CAD: variants seen among roughly 807,000 people sequenced by gnomAD.
The protein encoded by CAD is carbamoyl-phosphate synthetase 2, aspartate transcarbamylase, and dihydroorotase.
In CAD, 81 loss-of-function variants were observed where a neutral mutation model predicts 237.2. That is an observed-to-expected ratio of 0.34 (90% CI 0.29 to 0.41). The LOEUF is 0.41. Among genes scored for constraint, CAD ranks in the 10% least tolerant of loss-of-function variants. CAD has a pLI of 1.00. For synonymous variants in CAD, 1,196 were observed against 1,162.8 expected, an observed-to-expected ratio of 1.03 and a Z score of -0.58; for missense variants, 2,181 against 2,951.7, an observed-to-expected ratio of 0.74 and a Z score of 6.05.
chr2:27,239,261 G>A lies in CAD; in HGVS notation c.5253+29G>A. The A allele has an allele frequency of 6.2e-7, 1 of 1,601,088 alleles. No individual in the cohort carries two copies. The highest frequency in any genetic ancestry group is 8.5e-7 in the Non-Finnish European group (1 of 1,169,844). Reference sequence around the variant, plus strand: ...TGGGGATGAGGCCCAGAGCAGGAGGGGGGCTCTCCAGCCCTAGGATATGTT... The same window carrying A: ...TGGGGATGAGGCCCAGAGCAGGAGGAGGGCTCTCCAGCCCTAGGATATGTT... On this transcript the variant is annotated intron_variant, in intron 32 of 43. Transcript: ENST00000264705. The surrounding 1 kb of genome is among the most constrained non-coding windows in gnomAD (Gnocchi z 4.0).
chr2:27,243,394 T>C, intron 43 of CAD, 22 bp from the exon 44 acceptor site: 1 of 935,612 alleles, frequency 1.1e-6, no homozygotes, highest in South Asian at 2.5e-5. Flanking sequence ...CACTTCCTTT[T>C]TTTTTTTTTT....
chr2:27,235,878 A>G lies in CAD; in HGVS notation c.4074+238A>G. ...GAAACAGTGAGATGCTGTCTCAAAAAAAAAAAAAACAAAGAATTATCTCCT... is the reference window on the plus strand; with the variant it reads ...GAAACAGTGAGATGCTGTCTCAAAAGAAAAAAAAACAAAGAATTATCTCCT... On this transcript the variant is annotated intron_variant, in intron 25 of 43. Coordinates refer to ENST00000264705, the MANE Select transcript of CAD (RefSeq NM_004341.5). This position sits in a 1 kb window ranked among gnomAD's most constrained non-coding sequence, Gnocchi z 5.2. 4 of 497,320 alleles carry G rather than the reference A, an allele frequency of 8.0e-6. No individual in the cohort carries two copies. Among genetic ancestry groups the G allele is most frequent in the Non-Finnish European group, 1.4e-5 (4 of 281,318 alleles). The allele number at this position is 497,320 out of a possible 1,614,324, so 30.8% of individuals were successfully genotyped here. A position where few individuals can be genotyped will look rare whatever the true frequency, so the allele number is the denominator to read the frequency against.
rs199872853 is a variant in CAD, at chr2:27,224,341, A to G, written c.1109-4A>G. ...ACATTCTACGACCTTCTTTGCTTCC[A>G]CAGTTAGAGAGCGGCTGACTGAGCG... On this transcript the variant is annotated splice_polypyrimidine_tract_variant and splice_region_variant and intron_variant, in intron 8 of 43. Transcript: ENST00000264705. 532 of 1,614,074 alleles carry G rather than the reference A, an allele frequency of 3.3e-4. No individual in the cohort carries two copies. In the African/African-American group the frequency reaches 6.5e-3, roughly 20 times the overall value.
chr2:27,238,753 G>A, intron 31 of CAD, 121 bp downstream of exon 31: 2 of 905,516 alleles, frequency 2.2e-6, no homozygotes, highest in South Asian at 3.4e-5. Flanking sequence ...ATCCGTATGG[G>A]ACCCTAGCCT....
rs752745795 is a variant in CAD, at chr2:27,243,184, C to T, written c.6481-14C>T. On this transcript the variant is annotated splice_polypyrimidine_tract_variant and intron_variant, in intron 42 of 43. Coordinates refer to ENST00000264705, the MANE Select transcript of CAD (RefSeq NM_004341.5). ...TACCCCAAGGCACTAATGGGGACCC[C>T]ATCTGCTTTGCAGTGCTTTGGTCAG... 2 of 1,613,484 alleles carry T rather than the reference C, an allele frequency of 1.2e-6. No homozygotes were observed. Among genetic ancestry groups the T allele is most frequent in the Non-Finnish European group, 1.7e-6 (2 of 1,179,496 alleles).
Position 27,217,404 on chromosome 2 carries a change from C to T in CAD, c.-148C>T. 7 of 730,036 alleles carry T rather than the reference C, an allele frequency of 9.6e-6. No individual in the cohort carries two copies. Among genetic ancestry groups the T allele is most frequent in the Admixed American group, 8.6e-5 (4 of 46,674 alleles). 45.2% of individuals were successfully genotyped at this position (730,036 alleles called of 1,614,324 possible). A position where few individuals can be genotyped will look rare whatever the true frequency, so the allele number is the denominator to read the frequency against. ...GCTGCCGCCAAGCGCGCCCGAGGCT[C>T]CTACGCTGCCGCGCCCGGCTTCTCT... On this transcript the variant is annotated 5_prime_UTR_variant, in exon 1 of 44. Coordinates refer to ENST00000264705, the MANE Select transcript of CAD (RefSeq NM_004341.5).
chr2:27,224,510 A>G lies in CAD; in HGVS notation c.1254+20A>G. The G allele has an allele frequency of 6.2e-7, 1 of 1,611,764 alleles. No homozygotes were observed. Among genetic ancestry groups the G allele is most frequent in the Admixed American group, 1.7e-5 (1 of 59,824 alleles). Reference sequence around the variant, plus strand: ...TCTCAGGTGAGGCATGTTCCTCCCCACCCTTCTGGGCGTGTGACCCTCAAG... The same window carrying G: ...TCTCAGGTGAGGCATGTTCCTCCCCGCCCTTCTGGGCGTGTGACCCTCAAG... On this transcript the variant is annotated intron_variant, in intron 9 of 43. Transcript: ENST00000264705.
Position 27,242,856 on chromosome 2 carries a change from T to C in CAD, c.6379-16T>C. On this transcript the variant is annotated splice_polypyrimidine_tract_variant and intron_variant, in intron 41 of 43. Coordinates refer to ENST00000264705, the MANE Select transcript of CAD (RefSeq NM_004341.5). This position sits in a 1 kb window ranked among gnomAD's most constrained non-coding sequence, Gnocchi z 6.4. ...AGCCCAGCGCTGCATCCACCATGGCTCTCCTCACCCTCCAGGAGGAATTCG... is the reference window on the plus strand; with the variant it reads ...AGCCCAGCGCTGCATCCACCATGGCCCTCCTCACCCTCCAGGAGGAATTCG... 1 of 1,613,776 alleles carries C rather than the reference T, an allele frequency of 6.2e-7. No individual in the cohort carries two copies. The highest frequency in any genetic ancestry group is 8.5e-7 in the Non-Finnish European group (1 of 1,179,700).
intron 31 of CAD, 107 bp from the exon 32 acceptor site, chr2:27,238,935 G>C: frequency 9.4e-7 from 1 of 1,068,348 alleles, no homozygotes. Context: ...AGCATTGGGA[G>C]TGGTAGTGAG....
chr2:27,233,739 C>T lies in CAD; in HGVS notation c.3330C>T (p.Phe1110=), dbSNP rs1303377831. The change falls in exon 21 of 44, where the codon TTC becomes TTT. Residue 1110 remains phenylalanine, a synonymous_variant. Coordinates refer to ENST00000264705, the MANE Select transcript of CAD (RefSeq NM_004341.5). This position sits in a 1 kb window ranked among gnomAD's most constrained non-coding sequence, Gnocchi z 6.3. The part of the protein sequence containing the change: ...VAYTDGDLER[F]LSSAAAVSKE... ...ACACGGATGGAGACCTGGAGCGCTT[C>T]CTGAGCAGCGCAGCAGCCGTCTCCA... 4 of 1,614,172 alleles carry T rather than the reference C, an allele frequency of 2.5e-6. No homozygotes were observed. The highest frequency in any genetic ancestry group is 1.3e-5 in the African/African-American group (1 of 75,042).
chr2:27,230,310 G>A (rs1675678420), intron 15 of CAD, among the ~76,000 whole-genome samples: 1 of 151,838 alleles, frequency 6.6e-6, no homozygotes, highest in Non-Finnish European at 1.5e-5. Flanking sequence ...AAAAACACAG[G>A]ATGGAAATTA....
At position 27,225,926 on chromosome 2, in the gene CAD, G is replaced by A. The variant is rs778481242; in HGVS notation, c.1842G>A (p.Thr614=). 1.5e-5 allele frequency: 25 copies of A among 1,612,980 alleles called. No individual in the cohort carries two copies. Among genetic ancestry groups the A allele is most frequent in the East Asian group, 4.5e-5 (2 of 44,898 alleles). ...GAGACGCCTATGGCAACTGTGTCAC[G>A]GTGAGTGAATGGGGGAAGGGTGGGC... is the stretch of plus-strand genomic sequence containing the variant. ...VVRDAYGNCV[T]VCNMENLDPL... is the part of the protein sequence containing the mutation. The change falls in exon 12 of 44, where the codon ACG becomes ACA. Residue 614 remains threonine (T), a splice_region_variant and synonymous_variant. Transcript: ENST00000264705.
intron 2 of CAD, among the ~76,000 whole-genome samples, 181 bp downstream of exon 2, chr2:27,218,197 G>GGC (rs1674967949): frequency 6.6e-6 from 1 of 152,230 alleles, no homozygotes; most frequent in African/African-American, 2.4e-5. Context: ...TGCCTTGGGA[G>GGC]GCACAGAGTG....
intron 2 of CAD, among the ~76,000 whole-genome samples, chr2:27,218,944 G>A (rs369466919): frequency 6.6e-6 from 1 of 152,148 alleles, no homozygotes; most frequent in African/African-American, 2.4e-5. Flanking sequence ...GTTCTTCCTG[G>A]AAAAGAATTT....
At position 27,235,959 on chromosome 2, in the gene CAD, G is replaced by A. The variant is rs1675983823; in HGVS notation, c.4074+319G>A. 2.1e-6 allele frequency: 1 copy of A among 486,510 alleles called. No homozygotes were observed. Among genetic ancestry groups the A allele is most frequent in the Non-Finnish European group, 3.7e-6 (1 of 273,792 alleles). The allele number at this position is 486,510 out of a possible 1,614,324, so 30.1% of individuals were successfully genotyped here. On this transcript the variant is annotated intron_variant, in intron 25 of 43. Transcript: ENST00000264705. This position sits in a 1 kb window ranked among gnomAD's most constrained non-coding sequence, Gnocchi z 5.2. ...TAGTAAGCTATATTCCATGCAGAAA[G>A]CAGAATACACAGGAAGCAAAGAGAA...
chr2:27,222,385 T>C (rs1675216673), intron 4 of CAD, 49 bp downstream of exon 4: 5 of 1,590,168 alleles, frequency 3.1e-6, no homozygotes, highest in Non-Finnish European at 4.3e-6. Flanking sequence ...ACAGTAGTTA[T>C]ATTCTGCCCA....
rs773510765 is a variant in CAD, at chr2:27,234,121, A to C, written c.3513A>C (p.Pro1171=). The C allele has an allele frequency of 1.2e-6, 2 of 1,614,150 alleles. No individual in the cohort carries two copies. Among genetic ancestry groups the C allele is most frequent in the Non-Finnish European group, 1.7e-6 (2 of 1,180,014 alleles). The part of the protein sequence containing the change: ...HSGDATLVTP[P]QDITAKTLER... The stretch of plus-strand genomic sequence containing the variant: ...GTGATGCGACGCTGGTGACCCCCCC[A>C]CAAGATATCACTGCCAAAACCCTGG... The change falls in exon 22 of 44, where the codon CCA becomes CCC. Residue 1171 remains proline, a synonymous_variant. Transcript: ENST00000264705.
chr2:27,235,307 C>T lies in CAD; in HGVS notation c.3849C>T (p.Thr1283=). 1 of 1,613,898 alleles carries T rather than the reference C, an allele frequency of 6.2e-7. No individual in the cohort carries two copies. The highest frequency in any genetic ancestry group is 8.5e-7 in the Non-Finnish European group (1 of 1,179,954). The change falls in exon 24 of 44, where the codon ACC becomes ACT. Residue 1283 remains threonine (T), a synonymous_variant. Coordinates refer to ENST00000264705, the MANE Select transcript of CAD (RefSeq NM_004341.5). The surrounding 1 kb of genome is among the most constrained non-coding windows in gnomAD (Gnocchi z 5.2). ...ACGTGGTGTTGGGTGTGGAAATGAC[C>T]AGTACTGGGGAGGTGGCCGGCTTTG... The part of the protein sequence containing the change: ...GADVVLGVEM[T]STGEVAGFGE...
chr2:27,238,456 C>T lies in CAD; in HGVS notation c.4886C>T (p.Ala1629Val), dbSNP rs1676131431. 2 of 1,593,920 alleles carry T rather than the reference C, an allele frequency of 1.3e-6. No homozygotes were observed. The highest frequency in any genetic ancestry group is 4.5e-5 in the East Asian group (2 of 44,690). Reference sequence around the variant, plus strand: ...ATCCTGCTAATTAAAGCTGCAAAGGCACGGGGCTTGCCAGTGACCTGCGAG... The same window carrying T: ...ATCCTGCTAATTAAAGCTGCAAAGGTACGGGGCTTGCCAGTGACCTGCGAG... ...EEILLIKAAK[A>V]RGLPVTCEVA... The change falls in exon 31 of 44, where the codon GCA (alanine) becomes GTA (valine). Residue 1629 changes from alanine to valine, a missense_variant. Ala to Val is a moderately conservative substitution (Grantham distance 64, BLOSUM62 0). Transcript: ENST00000264705.
Sources: gnomAD v4.1 joint callset for allele counts (sites outside exome capture counted in the v4.1 genomes callset) on GRCh38, gnomAD v4.1.1 for gene constraint, Gnocchi (gnomAD v3.1) non-coding constraint, MANE v1.5 for transcripts, NCBI Gene and HGNC (gene_info 2026-07-23, HGNC 2026-07-21) for gene names.